RFX2: variants seen among roughly 807,000 people sequenced by gnomAD.
RFX2 encodes regulatory factor X2, also known as DNA-binding protein RFX2.
Under a neutral mutation model 87.8 loss-of-function variants are expected in RFX2, and 20 were observed. The ratio of observed to expected loss-of-function variants is 0.23; its 90% CI spans 0.16 to 0.33. RFX2 has a LOEUF of 0.33. RFX2 is among the 10% of genes least tolerant of loss of function. RFX2 has a pLI of 1.00. For synonymous variants in RFX2, 397 were observed against 431.3 expected (o/e 0.92, Z 0.98); for missense variants, 767 against 1,012.3 (o/e 0.76, Z 3.29).
chr19:6,100,863 A>T (rs1212957204), intron 1 of RFX2, among the ~76,000 whole-genome samples: 1 of 138,982 alleles, frequency 7.2e-6, no homozygotes, highest in African/African-American at 3.3e-5. Context: ...AATTATATTG[A>T]TTTAATTGAA....
At chr19:6,088,148 C>A (rs2087880880) in intron 1 of RFX2, among the ~76,000 whole-genome samples, 1 of 151,916 alleles carries the variant, frequency 6.6e-6, no homozygotes, top group East Asian at 1.9e-4. Flanking sequence ...TAAGCCTAAC[C>A]CAGGCTGGCC....
chr19:6,002,704 G>C lies in RFX2; in HGVS notation c.1650+17C>G. ...GGCGGGAAGCCCGGGCCCTGGGGAC[G>C]GTGTGGAGGAAGTCACCTGCACGTT... On this transcript the variant is annotated intron_variant, in intron 14 of 17. Transcript: ENST00000303657. This position sits in a 1 kb window ranked among gnomAD's most constrained non-coding sequence, Gnocchi z 6.7. 6.2e-7 allele frequency: 1 copy of C among 1,611,620 alleles called. No individual in the cohort carries two copies. The highest frequency in any genetic ancestry group is 8.5e-7 in the Non-Finnish European group (1 of 1,178,840).
chr19:6,012,952 G>T lies in RFX2; in HGVS notation c.899+34C>A. 6.7e-7 allele frequency: 1 copy of T among 1,483,054 alleles called. No individual in the cohort carries two copies. Among genetic ancestry groups the T allele is most frequent in the East Asian group, 2.5e-5 (1 of 40,558 alleles). 91.9% of individuals were successfully genotyped at this position (1,483,054 alleles called of 1,614,324 possible). On this transcript the variant is annotated intron_variant, in intron 8 of 17. Transcript: ENST00000303657. This position sits in a 1 kb window ranked among gnomAD's most constrained non-coding sequence, Gnocchi z 4.6. ...ACCCACCCCTCCATGCTCCAGGGGAGAGCCAGCTCCTCCCAGCTCGGCCCG... is the reference window on the plus strand; with the variant it reads ...ACCCACCCCTCCATGCTCCAGGGGATAGCCAGCTCCTCCCAGCTCGGCCCG...
Position 6,001,812 on chromosome 19 carries a change from A to C in RFX2, c.1859+3T>G, listed in dbSNP as rs1473628580. The C allele has an allele frequency of 6.2e-7, 1 of 1,601,400 alleles. No homozygotes were observed. The highest frequency in any genetic ancestry group is 1.7e-5 in the Admixed American group (1 of 59,230). ...ATTCTCTCGGAGGTCTGGTGGGACT[A>C]ACCTGTAAAAGGACCATTTCAGCAA... On this transcript the variant is annotated splice_donor_region_variant and intron_variant, in intron 15 of 17. Coordinates refer to ENST00000303657, the MANE Select transcript of RFX2 (RefSeq NM_000635.4). This position sits in a 1 kb window ranked among gnomAD's most constrained non-coding sequence, Gnocchi z 5.6.
At chr19:6,054,471 C>T (rs1336285459) in intron 1 of RFX2, among the ~76,000 whole-genome samples, 2 of 151,870 alleles carry the variant, frequency 1.3e-5, no homozygotes, top group African/African-American at 4.8e-5. Context: ...CACATATATG[C>T]AAAAATAATT....
At position 6,110,105 on chromosome 19, in the gene RFX2, A is replaced by G. The variant is rs2088282111; in HGVS notation, c.-9+288T>C. Among the ~76,000 whole-genome samples, 1 of 151,830 alleles carries G rather than the reference A, an allele frequency of 6.6e-6. No individual in the cohort carries two copies. Among genetic ancestry groups the G allele is most frequent in the African/African-American group, 2.4e-5 (1 of 41,352 alleles). On this transcript the variant is annotated intron_variant, in intron 1 of 17. Coordinates refer to ENST00000303657, the MANE Select transcript of RFX2 (RefSeq NM_000635.4). The surrounding 1 kb of genome is among the most constrained non-coding windows in gnomAD (Gnocchi z 4.3). ...GCGAGTTTGAAGGTAAGCGTGAGAA[A>G]GGGGTCCCCGGACGCCCCAACCTCA... is the stretch of plus-strand genomic sequence containing the variant.
rs1818006506 is a variant in RFX2 at position 6,020,287 on chromosome 19, G to A, written c.598-4016C>T. The A allele has an allele frequency of 6.6e-6, 1 of 152,208 alleles. No homozygotes were observed. The highest frequency in any genetic ancestry group is 2.4e-5 in the African/African-American group (1 of 41,434). 9.4% of individuals were successfully genotyped at this position (152,208 alleles called of 1,614,324 possible). On this transcript the variant is annotated intron_variant, in intron 6 of 17. Transcript: ENST00000303657. The surrounding 1 kb of genome is among the most constrained non-coding windows in gnomAD (Gnocchi z 5.3). ...CTGCTGTTTACCCCCGAACCCCCAG[G>A]CTATTTAAGAGTAGAATCCTTTGCT...
intron 16 of RFX2, among the ~76,000 whole-genome samples, chr19:5,996,091 C>T (rs1305057185): frequency 2.0e-5 from 3 of 152,212 alleles, no homozygotes; most frequent in African/African-American, 7.2e-5. Flanking sequence ...GTTGCGGGGC[C>T]CTGGCCACCG....
chr19:6,050,504 T>A lies in RFX2; in HGVS notation c.-8-3000A>T, dbSNP rs1258423239. 6.6e-6 allele frequency among the ~76,000 whole-genome samples: 1 copy of A among 151,996 alleles called. No homozygotes were observed. The highest frequency in any genetic ancestry group is 1.5e-5 in the Non-Finnish European group (1 of 67,992). On this transcript the variant is annotated intron_variant, in intron 1 of 17. Coordinates refer to ENST00000303657, the MANE Select transcript of RFX2 (RefSeq NM_000635.4). The surrounding 1 kb of genome is among the most constrained non-coding windows in gnomAD (Gnocchi z 4.6). The stretch of plus-strand genomic sequence containing the variant: ...ATGAATGAACATATGGGAATCTCAA[T>A]CAAGAAACAAAGTATAAAAGGAGAA...
rs533910363 is a variant in RFX2, at chr19:6,039,822, C to T, written c.522+158G>A. ...CAGGCCTGCCTATGGTTGCGTGGCC[C>T]GTCTGAGGCTGGCCCGACTCCATCG... On this transcript the variant is annotated intron_variant, in intron 5 of 17. Coordinates refer to ENST00000303657, the MANE Select transcript of RFX2 (RefSeq NM_000635.4). The surrounding 1 kb of genome is among the most constrained non-coding windows in gnomAD (Gnocchi z 5.2). Among the ~76,000 whole-genome samples, 5 of 152,366 alleles carry T rather than the reference C, an allele frequency of 3.3e-5. No individual in the cohort carries two copies. In the South Asian group the frequency reaches 6.2e-4, roughly 19 times the overall value.
Position 6,063,397 on chromosome 19 carries a change from T to C in RFX2, c.-8-15893A>G, listed in dbSNP as rs565371721. 2.0e-4 allele frequency among the ~76,000 whole-genome samples: 31 copies of C among 152,260 alleles called. No homozygotes were observed. The highest frequency in any genetic ancestry group is 7.2e-4 in the African/African-American group (30 of 41,546). ...ACTCGCAGTGACAAGGTGGCTGCAG[T>C]GCATGGAGGGCCACCGGAGGCTGGC... On this transcript the variant is annotated intron_variant, in intron 1 of 17. Coordinates refer to ENST00000303657, the MANE Select transcript of RFX2 (RefSeq NM_000635.4). The surrounding 1 kb of genome is among the most constrained non-coding windows in gnomAD (Gnocchi z 4.0).
At position 6,020,095 on chromosome 19, in the gene RFX2, T is replaced by G. The variant is rs148146451; in HGVS notation, c.598-3824A>C. 6.6e-6 allele frequency: 1 copy of G among 152,324 alleles called. No individual in the cohort carries two copies. Among genetic ancestry groups the G allele is most frequent in the Non-Finnish European group, 1.5e-5 (1 of 68,062 alleles). 9.4% of individuals were successfully genotyped at this position (152,324 alleles called of 1,614,324 possible). ...TGACACCACATCTCAAGGAGCCAAA[T>G]GACGATGCGGATTTTCAGGCTAAAA... On this transcript the variant is annotated intron_variant, in intron 6 of 17. Transcript: ENST00000303657. The surrounding 1 kb of genome is among the most constrained non-coding windows in gnomAD (Gnocchi z 5.3).
chr19:6,065,614 C>CA (rs921843360), intron 1 of RFX2, among the ~76,000 whole-genome samples: 258 of 151,116 alleles, frequency 1.7e-3, no homozygotes, highest in African/African-American at 5.6e-3. Context: ...ACTCTGTCTC[C>CA]AAAAAAAACA....
intron 1 of RFX2, among the ~76,000 whole-genome samples, chr19:6,079,064 C>T (rs566619672): frequency 5.3e-5 from 8 of 152,368 alleles, no homozygotes; most frequent in South Asian, 2.1e-4. Context: ...GCGTGAGCCA[C>T]GGCGCCCGGC....
At position 6,045,935 on chromosome 19, in the gene RFX2, C is replaced by T. The variant is rs1568522999; in HGVS notation, c.90+1472G>A. Among the ~76,000 whole-genome samples the T allele has an allele frequency of 6.6e-6, 1 of 152,186 alleles. No individual in the cohort carries two copies. Among genetic ancestry groups the T allele is most frequent in the South Asian group, 2.1e-4 (1 of 4,832 alleles). The stretch of plus-strand genomic sequence containing the variant: ...CTCCTGACCTCAGGTGATCCACCCA[C>T]CTTGGCCTCCCAAAGTGCTGGGATT... On this transcript the variant is annotated intron_variant, in intron 2 of 17. Transcript: ENST00000303657. This position sits in a 1 kb window ranked among gnomAD's most constrained non-coding sequence, Gnocchi z 5.2.
rs1182984776 is a variant in RFX2, at chr19:6,004,814, AC to A, written c.1403-517del. On this transcript the variant is annotated intron_variant, in intron 12 of 17. Transcript: ENST00000303657. This position sits in a 1 kb window ranked among gnomAD's most constrained non-coding sequence, Gnocchi z 4.8. ...GATCAGACTGTTAAAAAAAAAAAAAACCAAAAAACAAAAACAGAAAAAGGCC... is the reference window on the plus strand; with the variant it reads ...GATCAGACTGTTAAAAAAAAAAAAAACAAAAAACAAAAACAGAAAAAGGCC... Among the ~76,000 whole-genome samples the A allele has an allele frequency of 2.7e-5, 4 of 149,468 alleles. No homozygotes were observed. The highest frequency in any genetic ancestry group is 2.1e-4 in the South Asian group (1 of 4,748).
intron 5 of RFX2, among the ~76,000 whole-genome samples, chr19:6,035,840 C>T (rs537522107): frequency 7.6e-6 from 1 of 132,310 alleles, no homozygotes; most frequent in African/African-American, 3.1e-5. Context: ...TCCCCCAGAG[C>T]TTGGTGGGGG....
chr19:5,999,117 C>T lies in RFX2; in HGVS notation c.1860-1904G>A, dbSNP rs930312340. Reference sequence around the variant, plus strand: ...CTAAAAATACAAAAATCAGCCAGGCCTGGTGGTGGGCACCTGTAATCCCAG... The same window carrying T: ...CTAAAAATACAAAAATCAGCCAGGCTTGGTGGTGGGCACCTGTAATCCCAG... On this transcript the variant is annotated intron_variant, in intron 15 of 17. Coordinates refer to ENST00000303657, the MANE Select transcript of RFX2 (RefSeq NM_000635.4). The surrounding 1 kb of genome is among the most constrained non-coding windows in gnomAD (Gnocchi z 4.1). Among the ~76,000 whole-genome samples, 2 of 152,064 alleles carry T rather than the reference C, an allele frequency of 1.3e-5. No individual in the cohort carries two copies. Among genetic ancestry groups the T allele is most frequent in the African/African-American group, 4.8e-5 (2 of 41,414 alleles).
At position 6,061,840 on chromosome 19, in the gene RFX2, A is replaced by G. The variant is rs1599894098; in HGVS notation, c.-8-14336T>C. ...GGGCTGGGAGGGGGAAGGGAATGAT[A>G]TAGCTGATGTGCCCACCCCGAGTGT... On this transcript the variant is annotated intron_variant, in intron 1 of 17. Transcript: ENST00000303657. This position sits in a 1 kb window ranked among gnomAD's most constrained non-coding sequence, Gnocchi z 5.2. Among the ~76,000 whole-genome samples, 1 of 152,086 alleles carries G rather than the reference A, an allele frequency of 6.6e-6. No homozygotes were observed. The highest frequency in any genetic ancestry group is 2.4e-5 in the African/African-American group (1 of 41,400).
Sources: allele counts gnomAD v4.1 joint callset (sites outside exome capture counted in the v4.1 genomes callset), GRCh38; gene constraint gnomAD v4.1.1; non-coding constraint Gnocchi (gnomAD v3.1); transcripts MANE v1.5; gene names NCBI Gene and HGNC (gene_info 2026-07-23, HGNC 2026-07-21).